SUPT3H: variants seen among roughly 807,000 people sequenced by gnomAD.
SUPT3H encodes the protein transcription initiation protein SPT3 homolog.
In SUPT3H, 44 loss-of-function variants were observed where a neutral mutation model predicts 44.3. The observed-to-expected ratio is 0.99, with a 90% CI of 0.78 to 1.28. The LOEUF (loss-of-function observed/expected upper bound fraction) is 1.28, where lower values mean the gene tolerates loss of function less well. Ranked by LOEUF, SUPT3H falls within the 50% of genes most tolerant of loss-of-function variation. The probability of loss-of-function intolerance (pLI) is 0.00; values close to 1 mark genes in which losing one functional copy is unlikely to be tolerated. For missense variants in SUPT3H, 380 were observed against 387.1 expected (o/e 0.98, Z 0.15); for synonymous variants, 124 against 125.6 (o/e 0.99, Z 0.09).
At chr6:44,894,893 A>C (rs1308338211) in intron 10 of SUPT3H, among the ~76,000 whole-genome samples, 1 of 151,850 alleles carries the variant, frequency 6.6e-6, no homozygotes, top group Admixed American at 6.6e-5. Context: ...ACAATCTAAT[A>C]ATTGAGCATT....
At chr6:45,231,242 G>A (rs868742210) in intron 2 of SUPT3H, among the ~76,000 whole-genome samples, 14 of 152,118 alleles carry the variant, frequency 9.2e-5, no homozygotes, top group Middle Eastern at 3.4e-3. Flanking sequence ...CTTGCTTCTA[G>A]GTTTAGGACT....
rs138145033 is a variant in SUPT3H, at chr6:45,360,769, G to A, written c.101+4432C>T. On this transcript the variant is annotated intron_variant, in intron 2 of 10. Coordinates refer to ENST00000371459, the MANE Select transcript of SUPT3H (RefSeq NM_003599.4). ...TGGACATTCTAAATTTGAGGTGCTC[G>A]CAGAACACTTAACAGACATTCCAGG... Among the ~76,000 whole-genome samples the A allele has an allele frequency of 2.6e-3, 394 of 152,204 alleles. 3 individuals carry two copies. The highest frequency in any genetic ancestry group is 8.5e-3 in the African/African-American group (355 of 41,526).
chr6:45,160,769 A>G (rs1399678277), intron 2 of SUPT3H, among the ~76,000 whole-genome samples: 1 of 152,162 alleles, frequency 6.6e-6, no homozygotes, highest in South Asian at 2.1e-4. Context: ...TATACAAGAA[A>G]AAATATGGAT....
intron 2 of SUPT3H, among the ~76,000 whole-genome samples, chr6:45,217,474 C>G (rs1323761712): frequency 7.7e-5 from 5 of 64,858 alleles, no homozygotes; most frequent in Non-Finnish European, 1.4e-4. Context: ...GATTCCGCCT[C>G]AAAAATAAAA....
intron 2 of SUPT3H, among the ~76,000 whole-genome samples, chr6:45,253,262 G>A (rs1772701274): frequency 6.6e-6 from 1 of 152,094 alleles, no homozygotes; most frequent in Non-Finnish European, 1.5e-5. Context: ...ACTTTTACAT[G>A]GGTAAAGAAT....
At chr6:45,041,318 G>C (rs1278216541) in intron 3 of SUPT3H, among the ~76,000 whole-genome samples, 2 of 152,200 alleles carry the variant, frequency 1.3e-5, no homozygotes, top group Non-Finnish European at 1.5e-5. Context: ...TTTTAGCTGA[G>C]ACTTAAAATC....
chr6:44,995,064 T>G (rs1260258170), intron 6 of SUPT3H, among the ~76,000 whole-genome samples: 1 of 152,058 alleles, frequency 6.6e-6, no homozygotes, highest in African/African-American at 2.4e-5. Context: ...ACTCTTCAAT[T>G]ATATGATGTA....
At chr6:45,327,326 C>A (rs1341835740) in intron 2 of SUPT3H, among the ~76,000 whole-genome samples, 1 of 151,932 alleles carries the variant, frequency 6.6e-6, no homozygotes, top group Non-Finnish European at 1.5e-5. Context: ...CTCATAGAAT[C>A]AAATACTGAA....
intron 2 of SUPT3H, among the ~76,000 whole-genome samples, chr6:45,118,896 C>A (rs1801208595): frequency 6.6e-6 from 1 of 152,164 alleles, no homozygotes; most frequent in Admixed American, 6.5e-5. Flanking sequence ...AGTGCTTAAG[C>A]ATTTCAACTT....
intron 2 of SUPT3H, among the ~76,000 whole-genome samples, chr6:45,205,324 T>C (rs1409367098): frequency 2.6e-5 from 4 of 152,202 alleles, no homozygotes; most frequent in African/African-American, 7.2e-5. Flanking sequence ...TGTTGCCAGT[T>C]TTCCGAGTTT....
chr6:45,304,285 C>T (rs934404829), intron 2 of SUPT3H, among the ~76,000 whole-genome samples: 1 of 152,080 alleles, frequency 6.6e-6, no homozygotes, highest in African/African-American at 2.4e-5. Flanking sequence ...ATAAAAGTTA[C>T]TAATCTCTAC....
chr6:45,000,526 T>G (rs985543819), intron 6 of SUPT3H, among the ~76,000 whole-genome samples: 2 of 152,178 alleles, frequency 1.3e-5, no homozygotes, highest in South Asian at 4.1e-4. Flanking sequence ...ATGCCACACT[T>G]GGGCACAACT....
intron 2 of SUPT3H, among the ~76,000 whole-genome samples, chr6:45,197,012 C>A (rs560931131): frequency 1.7e-4 from 26 of 151,460 alleles, no homozygotes; most frequent in Non-Finnish European, 3.3e-4. Context: ...AAAAAAAAAT[C>A]CCTGGTACAA....
chr6:45,111,794 C>A (rs542587600), intron 2 of SUPT3H, among the ~76,000 whole-genome samples: 1 of 151,838 alleles, frequency 6.6e-6, no homozygotes, highest in Non-Finnish European at 1.5e-5. Context: ...TAGTCACGGC[C>A]CCCCCACCCC....
intron 2 of SUPT3H, among the ~76,000 whole-genome samples, chr6:45,171,102 T>C (rs1810693094): frequency 6.6e-6 from 1 of 152,204 alleles, no homozygotes; most frequent in African/African-American, 2.4e-5. Context: ...AGCAAAATGT[T>C]ATAAGCATGT....
chr6:44,869,428 A>G (rs758396873), intron 10 of SUPT3H, among the ~76,000 whole-genome samples: 1 of 152,212 alleles, frequency 6.6e-6, no homozygotes, highest in Non-Finnish European at 1.5e-5. Context: ...CCAAGGGCTG[A>G]GATATAAACC....
At chr6:45,237,503 T>C (rs1214204218) in intron 2 of SUPT3H, among the ~76,000 whole-genome samples, 6 of 152,166 alleles carry the variant, frequency 3.9e-5, no homozygotes, top group Non-Finnish European at 8.8e-5. Context: ...AGTCAAAGTA[T>C]GTTGCATGAA....
intron 3 of SUPT3H, among the ~76,000 whole-genome samples, chr6:45,065,788 T>A (rs2153546956): frequency 6.6e-6 from 1 of 151,702 alleles, no homozygotes; most frequent in African/African-American, 2.4e-5. Flanking sequence ...AATAGACCAA[T>A]AACAGGAGCT....
intron 2 of SUPT3H, among the ~76,000 whole-genome samples, chr6:45,313,647 T>TAA (rs1362524618): frequency 7.5e-5 from 3 of 39,900 alleles, no homozygotes; most frequent in Non-Finnish European, 1.2e-4. Flanking sequence ...AATGGTAATT[T>TAA]AAAAATTATA....
Sources: allele counts gnomAD v4.1 joint callset (sites outside exome capture counted in the v4.1 genomes callset), GRCh38; gene constraint gnomAD v4.1.1; transcripts MANE v1.5; gene names NCBI Gene and HGNC (gene_info 2026-07-23, HGNC 2026-07-21).